Variants in ADGRB3 observed in about 807,000 individuals in gnomAD.
ADGRB3 encodes adhesion G protein-coupled receptor B3, also known as brain-specific angiogenesis inhibitor 3.
A neutral mutation model predicts 193.4 loss-of-function variants in ADGRB3; 37 were observed. The ratio of observed to expected loss-of-function variants is 0.19; its 90% confidence interval spans 0.15 to 0.25. ADGRB3 has a LOEUF of 0.25. Ranked by LOEUF, ADGRB3 falls within the 10% of genes least tolerant of loss-of-function variation. The probability of loss-of-function intolerance (pLI) is 1.00; values close to 1 mark genes in which losing one functional copy is unlikely to be tolerated. For missense variants in ADGRB3, 1,637 were observed against 1,852.9 expected, an observed-to-expected ratio of 0.88 and a Z score of 2.14; for synonymous variants, 690 against 644.2, an observed-to-expected ratio of 1.07 and a Z score of -1.08.
intron 3 of ADGRB3, among the ~76,000 whole-genome samples, chr6:68,869,720 G>T (rs1460371460): frequency 1.4e-5 from 2 of 144,408 alleles, no homozygotes; most frequent in Admixed American, 1.5e-4. Flanking sequence ...TGTGAGGCCT[G>T]CATACATACA....
chr6:69,183,301 T>C (rs1055823202), intron 17 of ADGRB3, among the ~76,000 whole-genome samples: 4 of 152,136 alleles, frequency 2.6e-5, no homozygotes, highest in African/African-American at 9.7e-5. Context: ...CTTCAATGAC[T>C]TAAAATTGCC....
intron 3 of ADGRB3, among the ~76,000 whole-genome samples, chr6:68,691,854 AT>A (rs1765082037): frequency 1.3e-5 from 2 of 151,488 alleles, no homozygotes; most frequent in African/African-American, 4.8e-5. Flanking sequence ...ATATATATAT[AT>A]ATATATGTAT....
intron 17 of ADGRB3, among the ~76,000 whole-genome samples, chr6:69,082,449 C>T (rs1772414047): frequency 1.3e-5 from 2 of 152,020 alleles, no homozygotes; most frequent in African/African-American, 2.4e-5. Flanking sequence ...TCCTTTTCAT[C>T]TCATAACCTC....
chr6:68,653,033 G>T (rs1182507706), intron 3 of ADGRB3, among the ~76,000 whole-genome samples: 1 of 152,096 alleles, frequency 6.6e-6, no homozygotes, highest in Non-Finnish European at 1.5e-5. Flanking sequence ...TATATGATTG[G>T]CTCTGGCTAA....
At chr6:69,312,060 G>A (rs1768206845) in intron 20 of ADGRB3, among the ~76,000 whole-genome samples, 1 of 151,720 alleles carries the variant, frequency 6.6e-6, no homozygotes, top group African/African-American at 2.4e-5. Context: ...TACCTGTGGA[G>A]CTTCCATTTC....
At chr6:69,262,833 A>G (rs75089015) in intron 20 of ADGRB3, among the ~76,000 whole-genome samples, 8,055 of 152,036 alleles carry the variant, frequency 0.053, 563 homozygotes, top group African/African-American at 0.15. Context: ...ATAAAAAAAA[A>G]ATATTATAGA....
At chr6:68,835,775 A>G (rs1768034236) in intron 3 of ADGRB3, among the ~76,000 whole-genome samples, 1 of 151,808 alleles carries the variant, frequency 6.6e-6, no homozygotes, top group African/African-American at 2.4e-5. Flanking sequence ...TTTTTTTCTC[A>G]TATTTTTCTT....
At chr6:69,009,395 A>C (rs1483103656) in intron 11 of ADGRB3, among the ~76,000 whole-genome samples, 1 of 152,152 alleles carries the variant, frequency 6.6e-6, no homozygotes, top group Non-Finnish European at 1.5e-5. Context: ...GTCTGAGTAT[A>C]GAACAGAAAG....
chr6:68,956,855 G>GA (rs3215965), intron 8 of ADGRB3, 46 bp downstream of exon 8: 1,421 of 1,481,776 alleles, frequency 9.6e-4, no homozygotes, highest in East Asian at 1.6e-3. Flanking sequence ...TTCATAACGT[G>GA]AAAAAAAAAA....
At chr6:69,083,206 G>A (rs916867918) in intron 17 of ADGRB3, among the ~76,000 whole-genome samples, 3 of 152,194 alleles carry the variant, frequency 2.0e-5, no homozygotes, top group Admixed American at 6.5e-5. Flanking sequence ...TGTAGAGAGT[G>A]CTGCCCTAAA....
chr6:69,056,906 G>A (rs1239030574), intron 15 of ADGRB3, among the ~76,000 whole-genome samples: 1 of 152,074 alleles, frequency 6.6e-6, no homozygotes, highest in Non-Finnish European at 1.5e-5. Context: ...GACTGCTCCA[G>A]CTGTCAAGAA....
chr6:68,767,852 C>T (rs766982887), intron 3 of ADGRB3, among the ~76,000 whole-genome samples: 7 of 152,010 alleles, frequency 4.6e-5, no homozygotes, highest in Admixed American at 6.6e-5. Flanking sequence ...TCTCAGGATA[C>T]GAAATCAGTG....
At chr6:68,751,079 G>A (rs1165765893) in intron 3 of ADGRB3, among the ~76,000 whole-genome samples, 1 of 152,168 alleles carries the variant, frequency 6.6e-6, no homozygotes, top group Non-Finnish European at 1.5e-5. Context: ...TGCAAATGTG[G>A]ATGCAGGTTA....
chr6:68,666,692 TG>T (rs1768808883), intron 3 of ADGRB3, among the ~76,000 whole-genome samples: 2 of 152,046 alleles, frequency 1.3e-5, no homozygotes, highest in East Asian at 1.9e-4. Context: ...CGTCTAATTT[TG>T]TCATTAACTA....
intron 3 of ADGRB3, among the ~76,000 whole-genome samples, chr6:68,705,357 T>C (rs1318282026): frequency 6.6e-6 from 1 of 152,254 alleles, no homozygotes; most frequent in East Asian, 1.9e-4. Context: ...TAAATTGGAA[T>C]ACTTGACTTA....
chr6:69,117,362 C>T (rs1464685644), intron 17 of ADGRB3, among the ~76,000 whole-genome samples: 3 of 152,174 alleles, frequency 2.0e-5, no homozygotes, highest in African/African-American at 7.2e-5. Flanking sequence ...GTATAATCCA[C>T]TGATAAAGTT....
chr6:69,025,713 T>C lies in ADGRB3; in HGVS notation c.2107+7214T>C, dbSNP rs576780171. 5.3e-5 allele frequency among the ~76,000 whole-genome samples: 8 copies of C among 152,268 alleles called. No homozygotes were observed. In the East Asian group the frequency reaches 7.7e-4, roughly 15 times the overall value. ...ATACAACAAAAAATATCTGTTTCTT[T>C]ATTGTGCTAACATACTGGTTTCCTG... On this transcript the variant is annotated intron_variant, in intron 13 of 31. Transcript: ENST00000370598.
chr6:69,293,962 G>T (rs974343473), intron 20 of ADGRB3, among the ~76,000 whole-genome samples: 2 of 151,940 alleles, frequency 1.3e-5, no homozygotes, highest in Admixed American at 6.6e-5. Context: ...CCTTTTCCAG[G>T]GGGGAGGGTA....
At chr6:69,204,597 C>T (rs892400704) in intron 17 of ADGRB3, among the ~76,000 whole-genome samples, 1 of 152,096 alleles carries the variant, frequency 6.6e-6, no homozygotes, top group African/African-American at 2.4e-5. Flanking sequence ...CCACTCTTTC[C>T]AATACCATCA....
Sources: gnomAD v4.1 joint callset for allele counts (sites outside exome capture counted in the v4.1 genomes callset) on GRCh38, gnomAD v4.1.1 for gene constraint, MANE v1.5 for transcripts, NCBI Gene and HGNC (gene_info 2026-07-23, HGNC 2026-07-21) for gene names.